Variants in TTC38 observed in about 807,000 individuals in gnomAD.
TTC38 encodes tetratricopeptide repeat protein 38.
TTC38 carries 64 observed loss-of-function variants against 64.2 expected under a neutral mutation model. That is an observed-to-expected ratio of 1.00 (90% CI 0.81 to 1.23). The LOEUF is 1.23. Among genes scored for constraint, TTC38 ranks in the 50% most tolerant of loss-of-function variants. The pLI, the probability that TTC38 is intolerant of heterozygous loss-of-function variation, is 0.00. For synonymous variants in TTC38, 254 were observed against 249.3 expected, an observed-to-expected ratio of 1.02 and a Z score of -0.18; for missense variants, 573 against 615.5, an observed-to-expected ratio of 0.93 and a Z score of 0.73.
Position 46,285,260 on chromosome 22 carries a change from T to C in TTC38, c.815T>C (p.Leu272Pro), listed in dbSNP as rs772943844. 5 of 1,614,126 alleles carry C rather than the reference T, an allele frequency of 3.1e-6. No homozygotes were observed. Among genetic ancestry groups the C allele is most frequent in the African/African-American group, 1.3e-5 (1 of 74,946 alleles). Residue 272 changes from leucine (L) to proline (P), a missense_variant, in exon 9 of 14, where the codon CTG (leucine) becomes CCG (proline). Physicochemically the swap from Leu to Pro is moderately conservative, Grantham distance 98. Transcript: ENST00000381031. Reference protein sequence around the residue: ...LIEKGEYEAALTIYDTHILPS... With the variant: ...LIEKGEYEAAPTIYDTHILPS... ...TTCCAGGGCGAATATGAGGCCGCGCTGACCATCTACGATACCCACGTAAGT... is the reference window on the plus strand; with the variant it reads ...TTCCAGGGCGAATATGAGGCCGCGCCGACCATCTACGATACCCACGTAAGT...
chr22:46,269,866 C>T (rs1375671216), intron 2 of TTC38, among the ~76,000 whole-genome samples: 2 of 152,236 alleles, frequency 1.3e-5, no homozygotes, highest in African/African-American at 2.4e-5. Context: ...AGTCTTGACT[C>T]ACTGCAAACT....
intron 2 of TTC38, chr22:46,269,208 C>G (rs545213441): frequency 6.9e-4 from 241 of 346,840 alleles, no homozygotes; most frequent in African/African-American, 5.3e-3. Flanking sequence ...CTGGCCTCCC[C>G]GGGCCTCCCA....
Position 46,273,883 on chromosome 22 carries a change from C to T in TTC38, c.194-15C>T, listed in dbSNP as rs1569015004. The T allele has an allele frequency of 3.7e-6, 6 of 1,613,932 alleles. No individual in the cohort carries two copies. Among genetic ancestry groups the T allele is most frequent in the Non-Finnish European group, 5.1e-6 (6 of 1,179,916 alleles). ...GACCATCTGAACCACCAGCCGTTCT[C>T]TAACCTCCCACCAGTGATGGGCCAC... On this transcript the variant is annotated splice_polypyrimidine_tract_variant and intron_variant, in intron 3 of 13. Coordinates refer to ENST00000381031, the MANE Select transcript of TTC38 (RefSeq NM_017931.4). The surrounding 1 kb of genome is among the most constrained non-coding windows in gnomAD (Gnocchi z 5.1).
At chr22:46,268,265 A>G (rs1354822809) in intron 1 of TTC38, among the ~76,000 whole-genome samples, 193 bp downstream of exon 1, 3 of 152,218 alleles carry the variant, frequency 2.0e-5, no homozygotes, top group Non-Finnish European at 4.4e-5. Flanking sequence ...GAGGGAAATA[A>G]GGGACGCCTG....
Position 46,275,523 on chromosome 22 carries a change from C to A in TTC38, c.539+102C>A. 2.5e-6 allele frequency: 3 copies of A among 1,182,338 alleles called. No individual in the cohort carries two copies. Among genetic ancestry groups the A allele is most frequent in the Non-Finnish European group, 3.6e-6 (3 of 838,962 alleles). The allele number at this position is 1,182,338 out of a possible 1,614,324, so 73.2% of individuals were successfully genotyped here. A position where few individuals can be genotyped will look rare whatever the true frequency, so the allele number is the denominator to read the frequency against. On this transcript the variant is annotated intron_variant, in intron 5 of 13. Transcript: ENST00000381031. The surrounding 1 kb of genome is among the most constrained non-coding windows in gnomAD (Gnocchi z 4.5). The stretch of plus-strand genomic sequence containing the variant: ...TGGCCCTGTCCTAAAAATAATGGGA[C>A]CACTGTTGCTATTCTCCTAGTTCCT...
chr22:46,284,053 C>T (rs1268023687), intron 8 of TTC38, 21 bp downstream of exon 8: 5 of 1,595,920 alleles, frequency 3.1e-6, no homozygotes, highest in Non-Finnish European at 3.4e-6. Context: ...CATCTGTTTG[C>T]ACTGTCTTAT....
intron 9 of TTC38, among the ~76,000 whole-genome samples, chr22:46,286,716 G>A (rs890441800): frequency 2.0e-5 from 3 of 152,122 alleles, no homozygotes; most frequent in Non-Finnish European, 4.4e-5. Context: ...CCGTGAGCTC[G>A]AGGTGGGCTC....
chr22:46,271,147 C>T lies in TTC38; in HGVS notation c.112-1188C>T, dbSNP rs989353744. Among the ~76,000 whole-genome samples the T allele has an allele frequency of 1.3e-5, 2 of 152,194 alleles. No individual in the cohort carries two copies. The highest frequency in any genetic ancestry group is 2.9e-5 in the Non-Finnish European group (2 of 68,038). On this transcript the variant is annotated intron_variant, in intron 2 of 13. Coordinates refer to ENST00000381031, the MANE Select transcript of TTC38 (RefSeq NM_017931.4). The surrounding 1 kb of genome is among the most constrained non-coding windows in gnomAD (Gnocchi z 5.5). ...GAATAAGAAGCAGGAATATTCCTAT[C>T]GTGACCAACTTCAGGGCTCCTCTTA...
chr22:46,288,725 C>T, intron 11 of TTC38, 137 bp downstream of exon 11: 1 of 828,656 alleles, frequency 1.2e-6, no homozygotes, highest in Non-Finnish European at 1.9e-6. Flanking sequence ...GGAGGCAGCT[C>T]CCAGGTGTGC....
rs1490945553 is a variant in TTC38, at chr22:46,274,057, C to T, written c.353C>T (p.Thr118Ile). ...REQLHVSAVE[T>I]FANGNFPKAC... is the part of the protein sequence containing the mutation. Reference sequence around the variant, plus strand: ...CAGCTGCACGTGTCTGCAGTAGAGACATTTGCCAATGGGTGAGGGGCCTCC... The same window carrying T: ...CAGCTGCACGTGTCTGCAGTAGAGATATTTGCCAATGGGTGAGGGGCCTCC... The change falls in exon 4 of 14, where the codon ACA becomes ATA. Residue 118 changes from threonine (T) to isoleucine (I), a missense_variant. Physicochemically the swap from Thr to Ile is moderately conservative, Grantham distance 89. Around this residue, in one of 3 missense-constraint regions of TTC38, gnomAD observed 68 missense variants for 107.3 expected, o/e 0.63. Coordinates refer to ENST00000381031, the MANE Select transcript of TTC38 (RefSeq NM_017931.4). This position sits in a 1 kb window ranked among gnomAD's most constrained non-coding sequence, Gnocchi z 4.8. The T allele has an allele frequency of 6.2e-7, 1 of 1,612,620 alleles. No individual in the cohort carries two copies. Among genetic ancestry groups the T allele is most frequent in the African/African-American group, 1.3e-5 (1 of 74,944 alleles).
intron 10 of TTC38, among the ~76,000 whole-genome samples, chr22:46,287,838 T>G (rs1348588724): frequency 6.6e-6 from 1 of 152,170 alleles, no homozygotes; most frequent in Non-Finnish European, 1.5e-5. Flanking sequence ...CTGAAGCATA[T>G]GTGGGGCTTG....
chr22:46,292,355 A>G lies in TTC38; in HGVS notation c.1317-436A>G. On this transcript the variant is annotated intron_variant, in intron 13 of 13. Coordinates refer to ENST00000381031, the MANE Select transcript of TTC38 (RefSeq NM_017931.4). The surrounding 1 kb of genome is among the most constrained non-coding windows in gnomAD (Gnocchi z 6.5). Reference sequence around the variant, plus strand: ...TGAGCCACCACACCTATCTCTTCTTATAAGGGCACTAATCCCATTCACAAG... The same window carrying G: ...TGAGCCACCACACCTATCTCTTCTTGTAAGGGCACTAATCCCATTCACAAG... The G allele has an allele frequency of 9.0e-6, 3 of 334,800 alleles. No individual in the cohort carries two copies. Among genetic ancestry groups the G allele is most frequent in the Non-Finnish European group, 1.8e-5 (3 of 169,346 alleles). The allele number at this position is 334,800 out of a possible 1,614,324, so 20.7% of individuals were successfully genotyped here.
rs1936933842 is a variant in TTC38 at position 46,273,227 on chromosome 22, A to G, written c.194-671A>G. ...TCAGGGGGCTTCGACCACCTGAATC[A>G]TCAGCTGGGCTGGGCTGGGCTCGAC... On this transcript the variant is annotated intron_variant, in intron 3 of 13. Coordinates refer to ENST00000381031, the MANE Select transcript of TTC38 (RefSeq NM_017931.4). This position sits in a 1 kb window ranked among gnomAD's most constrained non-coding sequence, Gnocchi z 5.1. 6.6e-6 allele frequency among the ~76,000 whole-genome samples: 1 copy of G among 152,206 alleles called. No homozygotes were observed.
chr22:46,280,831 G>T (rs533339044), intron 6 of TTC38, among the ~76,000 whole-genome samples: 1 of 152,264 alleles, frequency 6.6e-6, no homozygotes, highest in African/African-American at 2.4e-5. Flanking sequence ...TTTGGCATGG[G>T]GGACCTGGGC....
At position 46,285,279 on chromosome 22, in the gene TTC38, C is replaced by A; in HGVS notation, c.834C>A (p.His278Gln). ...YEAALTIYDT[H>Q]ILPSLQANDA... Reference sequence around the variant, plus strand: ...CCGCGCTGACCATCTACGATACCCACGTAAGTTGCATTCACACCGTGTTTG... The same window carrying A: ...CCGCGCTGACCATCTACGATACCCAAGTAAGTTGCATTCACACCGTGTTTG... Residue 278 changes from histidine to glutamine, a missense_variant and splice_region_variant, in exon 9 of 14, where the codon CAC becomes CAA. His to Gln is a conservative substitution (Grantham distance 24). Transcript: ENST00000381031. 6.2e-7 allele frequency: 1 copy of A among 1,614,124 alleles called. No individual in the cohort carries two copies. The highest frequency in any genetic ancestry group is 8.5e-7 in the Non-Finnish European group (1 of 1,179,952).
chr22:46,269,091 C>CG (rs1175878734), intron 2 of TTC38: 1 of 378,930 alleles, frequency 2.6e-6, no homozygotes. Flanking sequence ...TATCTCTGCC[C>CG]CCCCCCCACA....
At chr22:46,268,899 G>A (rs1223662428) in intron 2 of TTC38, 2 of 354,346 alleles carry the variant, frequency 5.6e-6, no homozygotes, top group African/African-American at 4.3e-5. Context: ...GTGTTAGCCA[G>A]GATGGTCTCG....
Position 46,272,483 on chromosome 22 carries a change from C to A in TTC38, c.193+67C>A. The stretch of plus-strand genomic sequence containing the variant: ...CATCCAGCCCCTCTCTTTCCTTTAC[C>A]ACAGGGACACAGTTGGGATGGGGAA... On this transcript the variant is annotated intron_variant, in intron 3 of 13. Transcript: ENST00000381031. The surrounding 1 kb of genome is among the most constrained non-coding windows in gnomAD (Gnocchi z 6.4). 7.3e-7 allele frequency: 1 copy of A among 1,361,174 alleles called. No homozygotes were observed. The highest frequency in any genetic ancestry group is 1.2e-5 in the South Asian group (1 of 84,468). The allele number at this position is 1,361,174 out of a possible 1,614,324, so 84.3% of individuals were successfully genotyped here. A position where few individuals can be genotyped will look rare whatever the true frequency, so the allele number is the denominator to read the frequency against.
chr22:46,289,344 C>T (rs1239879931), intron 11 of TTC38, 58 bp from the exon 12 acceptor site: 20 of 1,574,168 alleles, frequency 1.3e-5, no homozygotes, highest in Non-Finnish European at 1.5e-5. Flanking sequence ...AATGGCTCTG[C>T]CCTTCCCGGA....
Sources: allele counts gnomAD v4.1 joint callset (sites outside exome capture counted in the v4.1 genomes callset), GRCh38; gene constraint gnomAD v4.1.1; regional missense constraint gnomAD v4.1.1; non-coding constraint Gnocchi (gnomAD v3.1); transcripts MANE v1.5; gene names NCBI Gene and HGNC (gene_info 2026-07-23, HGNC 2026-07-21).